Variants in PANK2 observed in about 807,000 individuals in gnomAD.
The protein encoded by PANK2 is pantothenate kinase 2.
Under a neutral mutation model 43.1 loss-of-function variants are expected in PANK2, and 36 were observed. That is an observed-to-expected ratio of 0.84 (90% CI 0.64 to 1.10). The LOEUF (loss-of-function observed/expected upper bound fraction) is 1.10. Among genes scored for constraint, PANK2 ranks in the 50% least tolerant of loss-of-function variants. The pLI, the probability that PANK2 is intolerant of heterozygous loss-of-function variation, is 0.00. For synonymous variants in PANK2, 281 were observed against 238.2 expected (o/e 1.18, Z -1.66); for missense variants, 576 against 593.3 (o/e 0.97, Z 0.30).
At chr20:3,919,614 C>G (rs951666197) in intron 6 of PANK2, among the ~76,000 whole-genome samples, 24 of 152,162 alleles carry the variant, frequency 1.6e-4, no homozygotes, top group Admixed American at 8.5e-4. Context: ...TGCTCAACCT[C>G]ATAGCCTGTC....
intron 1 of PANK2, chr20:3,901,570 T>C: frequency 1.0e-6 from 1 of 976,816 alleles, no homozygotes; most frequent in Non-Finnish European, 1.2e-6. Context: ...CTTGCTTTCA[T>C]TTCCTTCTCC....
rs2090079952 is a variant in PANK2 at position 3,889,627 on chromosome 20, G to A, written c.197G>A (p.Gly66Glu). ...AGCAGCGCGTCGGTGCCCGCGGTCG[G>A]GGCCTCGGCTGAGGGCACGAGGCGG... is the stretch of plus-strand genomic sequence containing the variant. Residue 66 changes from glycine to glutamate, a missense_variant, in exon 1 of 7, where the codon GGG (glycine) becomes GAG (glutamate). Gly to Glu is a moderately conservative substitution (Grantham distance 98, BLOSUM62 -2). Around this residue, in one of 2 missense-constraint regions of PANK2, gnomAD observed 544 missense variants for 528.9 expected, o/e 1.03. Coordinates refer to ENST00000610179, the MANE Select transcript of PANK2 (RefSeq NM_001386393.1). 1.3e-6 allele frequency: 2 copies of A among 1,560,514 alleles called. No homozygotes were observed. The highest frequency in any genetic ancestry group is 1.7e-6 in the Non-Finnish European group (2 of 1,162,296).
chr20:3,912,329 G>T (rs1264343094), intron 3 of PANK2, 129 bp from the exon 4 acceptor site: 2 of 1,000,454 alleles, frequency 2.0e-6, no homozygotes, highest in African/African-American at 3.2e-5. Flanking sequence ...TCACAGACTT[G>T]TTTCCTACCA....
chr20:3,920,899 G>A (rs777081343), intron 6 of PANK2, among the ~76,000 whole-genome samples: 4 of 152,084 alleles, frequency 2.6e-5, no homozygotes, highest in Non-Finnish European at 5.9e-5. Flanking sequence ...ATAAGCCTTC[G>A]TGAAATTCTT....
chr20:3,916,423 T>G (rs2090561008), intron 4 of PANK2, among the ~76,000 whole-genome samples: 1 of 152,236 alleles, frequency 6.6e-6, no homozygotes, highest in South Asian at 2.1e-4. Flanking sequence ...GTAGCAGTTC[T>G]GCTGAGCATG....
Position 3,927,977 on chromosome 20 carries a change from T to C in PANK2, c.*4683T>C, listed in dbSNP as rs1363920343. The C allele has an allele frequency of 1.3e-5, 2 of 152,038 alleles. No individual in the cohort carries two copies. The highest frequency in any genetic ancestry group is 4.8e-5 in the African/African-American group (2 of 41,382). 9.4% of individuals were successfully genotyped at this position (152,038 alleles called of 1,614,324 possible). ...GGGCTCTACAGCTGAATTGGCAAAG[T>C]AAGGTTTACTACACAAGCCCCTCTT... On this transcript the variant is annotated 3_prime_UTR_variant, in exon 7 of 7. Coordinates refer to ENST00000610179, the MANE Select transcript of PANK2 (RefSeq NM_001386393.1).
intron 1 of PANK2, among the ~76,000 whole-genome samples, chr20:3,897,527 C>T (rs2090229479): frequency 1.3e-5 from 2 of 151,366 alleles, no homozygotes; most frequent in Non-Finnish European, 2.9e-5. Flanking sequence ...ATGGTGAAAC[C>T]TCGTCTCTAC....
At position 3,926,966 on chromosome 20, in the gene PANK2, C is replaced by CTAT. The variant is rs2090730401; in HGVS notation, c.*3674_*3676dup. On this transcript the variant is annotated 3_prime_UTR_variant, in exon 7 of 7. Coordinates refer to ENST00000610179, the MANE Select transcript of PANK2 (RefSeq NM_001386393.1). ...AAAAAAAAAAAAAAAAAAAAATCCGCTATTTCAGGTCACCCTGGTGCTGGC... is the reference window on the plus strand; with the variant it reads ...AAAAAAAAAAAAAAAAAAAAATCCGCTATTATTTCAGGTCACCCTGGTGCTGGC... 6.7e-6 allele frequency: 1 copy of CTAT among 149,480 alleles called. No individual in the cohort carries two copies. Among genetic ancestry groups the CTAT allele is most frequent in the Non-Finnish European group, 1.5e-5 (1 of 68,028 alleles). 9.3% of individuals were successfully genotyped at this position (149,480 alleles called of 1,614,324 possible).
rs71647836 is a variant in PANK2 at position 3,907,799 on chromosome 20, C to T, written c.299-127C>T. On this transcript the variant is annotated intron_variant, in intron 1 of 6. Coordinates refer to ENST00000610179, the MANE Select transcript of PANK2 (RefSeq NM_001386393.1). ...AAGACAGAATCACATTTCTTTGCCC[C>T]AAAACCCTTTTGCCTAGAATTATGT... is the stretch of plus-strand genomic sequence containing the variant. The T allele has an allele frequency of 4.6e-4, 368 of 795,598 alleles. 1 individual carries two copies. The African/African-American group carries it at 5.8e-3, about 12-fold the overall frequency. 49.3% of individuals were successfully genotyped at this position (795,598 alleles called of 1,614,324 possible).
intron 3 of PANK2, among the ~76,000 whole-genome samples, chr20:3,911,574 A>T (rs1281525746): frequency 7.8e-6 from 1 of 128,768 alleles, no homozygotes; most frequent in Non-Finnish European, 1.7e-5. Context: ...ACAGAGTGAG[A>T]CTCCGTCTCA....
At chr20:3,897,266 C>G (rs1345575644) in intron 1 of PANK2, among the ~76,000 whole-genome samples, 3 of 152,170 alleles carry the variant, frequency 2.0e-5, no homozygotes. Flanking sequence ...GAAATGTGGC[C>G]TAAGTCAAGT....
intron 4 of PANK2, 152 bp from the exon 5 acceptor site, chr20:3,916,775 T>C (rs2090566622): frequency 8.7e-7 from 1 of 1,155,968 alleles, no homozygotes; most frequent in South Asian, 1.4e-5. Flanking sequence ...TGCATTTCTC[T>C]TTGAACAGAT....
At chr20:3,895,461 C>T (rs927998498) in intron 1 of PANK2, among the ~76,000 whole-genome samples, 4 of 143,226 alleles carry the variant, frequency 2.8e-5, no homozygotes, top group Non-Finnish European at 4.5e-5. Flanking sequence ...CGAGCCTGGG[C>T]GACAGAGGGA....
chr20:3,910,808 T>G lies in PANK2; in HGVS notation c.883T>G (p.Tyr295Asp), dbSNP rs1288629241. The G allele has an allele frequency of 1.2e-6, 2 of 1,614,156 alleles. No individual in the cohort carries two copies. The highest frequency in any genetic ancestry group is 8.5e-7 in the Non-Finnish European group (1 of 1,180,022). Reference sequence around the variant, plus strand: ...CTTAGCAGTATATTCCAAAGATAATTACAAACGGGTCACAGGTACTAGGTA... The same window carrying G: ...CTTAGCAGTATATTCCAAAGATAATGACAAACGGGTCACAGGTACTAGGTA... The change falls in exon 3 of 7, where the codon TAC becomes GAC. Residue 295 changes from tyrosine to aspartate, a missense_variant. Tyr to Asp is a radical substitution (Grantham distance 160). Coordinates refer to ENST00000610179, the MANE Select transcript of PANK2 (RefSeq NM_001386393.1).
At chr20:3,919,682 C>T (rs573803979) in intron 6 of PANK2, among the ~76,000 whole-genome samples, 1 of 152,248 alleles carries the variant, frequency 6.6e-6, no homozygotes, top group South Asian at 2.1e-4. Context: ...TATGGAAAGG[C>T]GTGTAGGGGT....
chr20:3,926,493 G>A lies in PANK2; in HGVS notation c.*3199G>A, dbSNP rs1206525156. 1.3e-5 allele frequency: 2 copies of A among 152,310 alleles called. No individual in the cohort carries two copies. The highest frequency in any genetic ancestry group is 1.5e-5 in the Non-Finnish European group (1 of 68,126). The allele number at this position is 152,310 out of a possible 1,614,324, so 9.4% of individuals were successfully genotyped here. A position where few individuals can be genotyped will look rare whatever the true frequency, so the allele number is the denominator to read the frequency against. ...TGGGAAGCCACTCGGTCCTAGTGAG[G>A]GGTGGTGAGGAGAGCAGCAACGGCC... On this transcript the variant is annotated 3_prime_UTR_variant, in exon 7 of 7. Transcript: ENST00000610179.
intron 6 of PANK2, among the ~76,000 whole-genome samples, chr20:3,920,663 G>A (rs2090632109): frequency 6.6e-6 from 1 of 152,148 alleles, no homozygotes; most frequent in African/African-American, 2.4e-5. Flanking sequence ...TGACCAACAT[G>A]GAGAAGCCCT....
intron 2 of PANK2, among the ~76,000 whole-genome samples, chr20:3,909,080 T>G (rs1411421642): frequency 3.3e-5 from 5 of 152,118 alleles, no homozygotes; most frequent in African/African-American, 1.2e-4. Flanking sequence ...CTGAAAGAGA[T>G]TCTGCCTTTT....
rs1209971517 is a variant in PANK2, at chr20:3,924,358, A to G, written c.*1064A>G. 2 of 152,296 alleles carry G rather than the reference A, an allele frequency of 1.3e-5. No homozygotes were observed. Among genetic ancestry groups the G allele is most frequent in the African/African-American group, 4.8e-5 (2 of 41,464 alleles). 9.4% of individuals were successfully genotyped at this position (152,296 alleles called of 1,614,324 possible). A position where few individuals can be genotyped will look rare whatever the true frequency, so the allele number is the denominator to read the frequency against. ...GGCCTGTACAAAGCAGCCTTGGACC[A>G]GGAGGGAAAACCCCAAGGCTCTGCA... On this transcript the variant is annotated 3_prime_UTR_variant, in exon 7 of 7. Transcript: ENST00000610179.
Sources: gnomAD v4.1 joint callset for allele counts (sites outside exome capture counted in the v4.1 genomes callset) on GRCh38, gnomAD v4.1.1 for gene constraint, gnomAD v4.1.1 regional missense constraint, MANE v1.5 for transcripts, NCBI Gene and HGNC (gene_info 2026-07-23, HGNC 2026-07-21) for gene names.